PARD3: variants seen among roughly 807,000 people sequenced by gnomAD.
The protein encoded by PARD3 is par-3 family cell polarity regulator.
Under a neutral mutation model 155.4 loss-of-function variants are expected in PARD3, and 75 were observed. That is an observed-to-expected ratio of 0.48 (90% CI 0.40 to 0.58). The LOEUF (loss-of-function observed/expected upper bound fraction) is 0.58. PARD3 is among the 20% of genes least tolerant of loss of function. PARD3 has a pLI of 0.00. For synonymous variants in PARD3, 576 were observed against 610.5 expected (o/e 0.94, Z 0.83); for missense variants, 1,642 against 1,721.7 (o/e 0.95, Z 0.82).
intron 1 of PARD3, among the ~76,000 whole-genome samples, chr10:34,792,739 G>GCACT (rs1841816670): frequency 6.6e-6 from 1 of 152,222 alleles, no homozygotes; most frequent in Admixed American, 6.5e-5. Flanking sequence ...AGGACTCCAG[G>GCACT]CACTGCTCAT....
chr10:34,448,132 TGC>T (rs946498676), intron 5 of PARD3, among the ~76,000 whole-genome samples: 6 of 116,372 alleles, frequency 5.2e-5, no homozygotes, highest in African/African-American at 2.2e-4. Context: ...TGATATACAC[TGC>T]GTGTGTGTGT....
At chr10:34,797,793 T>C (rs897689522) in intron 1 of PARD3, among the ~76,000 whole-genome samples, 2 of 152,218 alleles carry the variant, frequency 1.3e-5, no homozygotes, top group African/African-American at 4.8e-5. Context: ...CTGCCCTTCC[T>C]TAACCAATTT....
chr10:34,674,357 C>T (rs937648816), intron 2 of PARD3, among the ~76,000 whole-genome samples: 2 of 152,158 alleles, frequency 1.3e-5, no homozygotes, highest in Non-Finnish European at 2.9e-5. Flanking sequence ...GTAGAACTGC[C>T]CCTGAGCTGC....
intron 1 of PARD3, among the ~76,000 whole-genome samples, chr10:34,769,826 A>T (rs1473698510): frequency 2.7e-5 from 4 of 149,638 alleles, no homozygotes; most frequent in African/African-American, 9.8e-5. Flanking sequence ...CAAGAAAACC[A>T]TACCTAGTGT....
chr10:34,239,308 G>A (rs549399682), intron 22 of PARD3, among the ~76,000 whole-genome samples: 1 of 152,334 alleles, frequency 6.6e-6, no homozygotes, highest in South Asian at 2.1e-4. Flanking sequence ...GCCGATGGAA[G>A]GGTGCTCACT....
chr10:34,222,209 A>AT (rs1392658683), intron 22 of PARD3, among the ~76,000 whole-genome samples: 2 of 152,136 alleles, frequency 1.3e-5, no homozygotes, highest in African/African-American at 4.8e-5. Flanking sequence ...CTTTAAAGGG[A>AT]TTTTTTCTTG....
rs373479806 is a variant in PARD3 at position 34,448,163 on chromosome 10, G to GTGTGTGTGTGTA, written c.714+2153_714+2154insTACACACACACA. Among the ~76,000 whole-genome samples, 287 of 149,752 alleles carry GTGTGTGTGTGTA rather than the reference G, an allele frequency of 1.9e-3. 1 individual carries two copies. The highest frequency in any genetic ancestry group is 6.6e-3 in the African/African-American group (269 of 40,488). ...TGTGTGTGTGTGTGTGTGTGTGTGT[G>GTGTGTGTGTGTA]TACACATAAATGTATAAAATGGAAT... On this transcript the variant is annotated intron_variant, in intron 5 of 24. Transcript: ENST00000374788.
At chr10:34,329,874 A>T (rs1835429990) in intron 19 of PARD3, among the ~76,000 whole-genome samples, 1 of 152,160 alleles carries the variant, frequency 6.6e-6, no homozygotes, top group South Asian at 2.1e-4. Context: ...TTATATGTAT[A>T]AGCATTATAC....
chr10:34,479,470 A>C (rs1235010969), intron 3 of PARD3, among the ~76,000 whole-genome samples: 2 of 152,134 alleles, frequency 1.3e-5, no homozygotes, highest in African/African-American at 2.4e-5. Context: ...CCCAGCCTTT[A>C]AATTTTTTTT....
intron 1 of PARD3, among the ~76,000 whole-genome samples, chr10:34,735,101 G>C (rs1349558650): frequency 1.3e-5 from 2 of 152,020 alleles, no homozygotes; most frequent in African/African-American, 4.8e-5. Flanking sequence ...GGGAAATTAA[G>C]GCAATGATGA....
chr10:34,547,349 A>G (rs1240234804), intron 2 of PARD3, among the ~76,000 whole-genome samples: 1 of 152,254 alleles, frequency 6.6e-6, no homozygotes, highest in African/African-American at 2.4e-5. Flanking sequence ...AATACATTTT[A>G]AACATGAACA....
chr10:34,374,375 A>G (rs1841006196), intron 11 of PARD3, among the ~76,000 whole-genome samples: 1 of 152,210 alleles, frequency 6.6e-6, no homozygotes, highest in Non-Finnish European at 1.5e-5. Flanking sequence ...CATGAGGCTT[A>G]TTGCCACTTA....
At chr10:34,121,752 G>A (rs1038304100) in intron 23 of PARD3, among the ~76,000 whole-genome samples, 3 of 152,114 alleles carry the variant, frequency 2.0e-5, no homozygotes, top group Non-Finnish European at 4.4e-5. Flanking sequence ...AAAATATCCC[G>A]ATACAAAAAT....
At chr10:34,224,209 A>G (rs897022769) in intron 22 of PARD3, among the ~76,000 whole-genome samples, 6 of 152,228 alleles carry the variant, frequency 3.9e-5, no homozygotes, top group Non-Finnish European at 1.5e-5. Flanking sequence ...TTCATAAGAC[A>G]CAGTTAAGAC....
intron 1 of PARD3, among the ~76,000 whole-genome samples, chr10:34,713,612 T>C (rs140330795): frequency 7.6e-4 from 115 of 151,870 alleles, no homozygotes; most frequent in African/African-American, 2.2e-3. Context: ...AAATTAAAAA[T>C]AAAATTAGTC....
intron 22 of PARD3, among the ~76,000 whole-genome samples, chr10:34,268,007 A>T (rs1955412456): frequency 6.6e-6 from 1 of 152,170 alleles, no homozygotes; most frequent in African/African-American, 2.4e-5. Flanking sequence ...CTTATAAGAA[A>T]CCACTATGAG....
intron 1 of PARD3, among the ~76,000 whole-genome samples, chr10:34,791,689 CA>C (rs563120608): frequency 1.3e-5 from 2 of 150,784 alleles, no homozygotes; most frequent in East Asian, 1.9e-4. Flanking sequence ...CCCATCTCTA[CA>C]AAAAAAAATT....
intron 4 of PARD3, among the ~76,000 whole-genome samples, chr10:34,451,370 G>A (rs955943249): frequency 2.0e-5 from 3 of 152,132 alleles, no homozygotes; most frequent in African/African-American, 7.2e-5. Context: ...CAAGTTAGAA[G>A]AAGTACTGGC....
intron 3 of PARD3, among the ~76,000 whole-genome samples, chr10:34,471,769 G>A (rs1461289477): frequency 3.3e-5 from 5 of 152,200 alleles, no homozygotes; most frequent in South Asian, 4.1e-4. Flanking sequence ...ATGTTAGCCA[G>A]GCTGGTCTTG....
Sources: gnomAD v4.1 joint callset for allele counts (sites outside exome capture counted in the v4.1 genomes callset) on GRCh38, gnomAD v4.1.1 for gene constraint, MANE v1.5 for transcripts, NCBI Gene and HGNC (gene_info 2026-07-23, HGNC 2026-07-21) for gene names.